Variants in SLC16A12 observed in about 807,000 individuals in gnomAD.
SLC16A12 encodes the protein solute carrier family 16 member 12.
A neutral mutation model predicts 42.4 loss-of-function variants in SLC16A12; 17 were observed. The ratio of observed to expected loss-of-function variants is 0.40; its 90% CI spans 0.27 to 0.60. The LOEUF (loss-of-function observed/expected upper bound fraction) is 0.60. SLC16A12 is among the 20% of genes least tolerant of loss of function. SLC16A12 has a pLI of 0.42. For synonymous variants in SLC16A12, 224 were observed against 229.4 expected (o/e 0.98, Z 0.21); for missense variants, 544 against 623.0 (o/e 0.87, Z 1.35).
intron 2 of SLC16A12, among the ~76,000 whole-genome samples, chr10:89,464,903 C>T (rs1001748389): frequency 1.3e-5 from 2 of 152,084 alleles, no homozygotes; most frequent in East Asian, 1.9e-4. Context: ...AAGGTGATTA[C>T]GTGGACAACT....
chr10:89,498,947 G>A (rs990019626), intron 2 of SLC16A12, among the ~76,000 whole-genome samples: 1 of 152,096 alleles, frequency 6.6e-6, no homozygotes, highest in Admixed American at 6.6e-5. Flanking sequence ...CTACATCAAC[G>A]GAACACCCCA....
chr10:89,436,899 A>G (rs899561744), intron 6 of SLC16A12, among the ~76,000 whole-genome samples: 3 of 149,546 alleles, frequency 2.0e-5, no homozygotes, highest in African/African-American at 7.5e-5. Flanking sequence ...AAAGAAAGAA[A>G]GAAAGAAAGA....
At chr10:89,472,903 G>A (rs193228466) in intron 2 of SLC16A12, among the ~76,000 whole-genome samples, 53 of 151,966 alleles carry the variant, frequency 3.5e-4, no homozygotes, top group Non-Finnish European at 2.9e-5. Context: ...CTGCAGGTTT[G>A]ACCTCCTGGG....
chr10:89,476,303 G>A (rs762073414), intron 2 of SLC16A12, among the ~76,000 whole-genome samples: 4 of 152,146 alleles, frequency 2.6e-5, no homozygotes, highest in Non-Finnish European at 5.9e-5. Flanking sequence ...TCCATACCAC[G>A]ATATTTCCTT....
At chr10:89,434,211 G>A (rs1841740315) in intron 7 of SLC16A12, among the ~76,000 whole-genome samples, 1 of 152,116 alleles carries the variant, frequency 6.6e-6, no homozygotes, top group Admixed American at 6.5e-5. Flanking sequence ...ATTTACTTGT[G>A]CAATTCTATA....
chr10:89,499,935 A>T (rs994657093), intron 2 of SLC16A12, among the ~76,000 whole-genome samples: 8 of 152,226 alleles, frequency 5.3e-5, no homozygotes, highest in Non-Finnish European at 1.0e-4. Flanking sequence ...AGAAAATCCA[A>T]ATAAGCTCGA....
At chr10:89,461,184 T>C (rs906984375) in intron 3 of SLC16A12, among the ~76,000 whole-genome samples, 1 of 152,214 alleles carries the variant, frequency 6.6e-6, no homozygotes, top group Admixed American at 6.5e-5. Flanking sequence ...TGAGTCTTAA[T>C]GTACGTGCAT....
intron 2 of SLC16A12, among the ~76,000 whole-genome samples, chr10:89,530,511 G>C (rs1222138044): frequency 2.6e-5 from 4 of 151,492 alleles, no homozygotes; most frequent in East Asian, 1.9e-4. Flanking sequence ...TCCGCCTCCT[G>C]GGTTCATGCC....
intron 2 of SLC16A12, among the ~76,000 whole-genome samples, chr10:89,504,885 G>A (rs183678241): frequency 3.9e-5 from 6 of 152,228 alleles, no homozygotes; most frequent in South Asian, 2.1e-4. Flanking sequence ...ATGCAGCCCC[G>A]AGCACCAGAG....
upstream of SLC16A12, among the ~76,000 whole-genome samples, chr10:89,537,145 G>GTTTT (rs376769096): frequency 3.8e-5 from 4 of 105,668 alleles, no homozygotes; most frequent in Admixed American, 1.0e-4. Flanking sequence ...CCGTAGGTAT[G>GTTTT]TTTTTTTTTT....
chr10:89,474,127 C>A (rs974468407), intron 2 of SLC16A12, among the ~76,000 whole-genome samples: 3 of 152,212 alleles, frequency 2.0e-5, no homozygotes, highest in South Asian at 4.1e-4. Flanking sequence ...CCTGATTCCA[C>A]TGCTTCTATG....
chr10:89,449,771 A>G (rs914760373), intron 3 of SLC16A12, among the ~76,000 whole-genome samples: 5 of 152,228 alleles, frequency 3.3e-5, no homozygotes, highest in Admixed American at 3.3e-4. Flanking sequence ...ATCTAATTAA[A>G]CTAAAGAGCT....
intron 2 of SLC16A12, among the ~76,000 whole-genome samples, chr10:89,490,657 GCAACTC>G (rs1398345407): frequency 6.6e-6 from 1 of 152,160 alleles, no homozygotes; most frequent in African/African-American, 2.4e-5. Flanking sequence ...CACCCTCCTA[GCAACTC>G]CATGTGTTCA....
chr10:89,471,110 G>A (rs1044764308), intron 2 of SLC16A12, among the ~76,000 whole-genome samples: 19 of 152,242 alleles, frequency 1.2e-4, no homozygotes, highest in African/African-American at 4.6e-4. Context: ...TTAAATTGAG[G>A]TATAACTTAC....
At chr10:89,463,427 A>T (rs1199440713) in intron 2 of SLC16A12, among the ~76,000 whole-genome samples, 3 of 152,148 alleles carry the variant, frequency 2.0e-5, no homozygotes, top group Admixed American at 1.3e-4. Context: ...TGAAGAAAAA[A>T]AGTATTATTC....
upstream of SLC16A12, among the ~76,000 whole-genome samples, chr10:89,536,030 G>T (rs1843654535): frequency 1.3e-5 from 2 of 152,236 alleles, no homozygotes; most frequent in Non-Finnish European, 1.5e-5. Flanking sequence ...CTAGGGGCGA[G>T]GGGCGCAGCG....
chr10:89,498,035 C>T (rs534332063), intron 2 of SLC16A12, among the ~76,000 whole-genome samples: 9 of 152,166 alleles, frequency 5.9e-5, no homozygotes, highest in Admixed American at 3.3e-4. Context: ...AGGGGCCAGG[C>T]GCGGTGGCTC....
rs367912755 is a variant in SLC16A12, at chr10:89,452,456, T to A, written c.201-8597A>T. Among the ~76,000 whole-genome samples, 17 of 152,206 alleles carry A rather than the reference T, an allele frequency of 1.1e-4. No individual in the cohort carries two copies. The East Asian group carries it at 2.5e-3, about 22-fold the overall frequency. On this transcript the variant is annotated intron_variant, in intron 3 of 7. Transcript: ENST00000371790. ...CTAATTATTTCACACTCTCATTTTC[T>A]TTACTTAGAATAACATTAAATAGCA...
chr10:89,499,652 T>C (rs1186856826), intron 2 of SLC16A12, among the ~76,000 whole-genome samples: 1 of 152,148 alleles, frequency 6.6e-6, no homozygotes, highest in Non-Finnish European at 1.5e-5. Context: ...GCAAAGTCAG[T>C]GCTAAGAGGA....
Sources: allele counts gnomAD v4.1 joint callset (sites outside exome capture counted in the v4.1 genomes callset), GRCh38; gene constraint gnomAD v4.1.1; transcripts MANE v1.5; gene names NCBI Gene and HGNC (gene_info 2026-07-23, HGNC 2026-07-21).